Variants in BTRC observed in about 807,000 individuals in gnomAD.
The protein encoded by BTRC is F-box/WD repeat-containing protein 1A.
Under a neutral mutation model 85.5 loss-of-function variants are expected in BTRC, and 42 were observed. The ratio of observed to expected loss-of-function variants is 0.49; its 90% CI spans 0.38 to 0.64. The LOEUF (loss-of-function observed/expected upper bound fraction) is 0.64. Ranked by LOEUF, BTRC falls within the 30% of genes least tolerant of loss-of-function variation. The pLI is 0.00. For missense variants in BTRC, 594 were observed against 743.5 expected, an observed-to-expected ratio of 0.80 and a Z score of 2.34; for synonymous variants, 255 against 263.3, an observed-to-expected ratio of 0.97 and a Z score of 0.30.
intron 4 of BTRC, among the ~76,000 whole-genome samples, chr10:101,497,957 C>A (rs1211180431): frequency 1.3e-5 from 2 of 151,976 alleles, no homozygotes; most frequent in African/African-American, 2.4e-5. Flanking sequence ...GAGGCAGAGC[C>A]TGCAGTGAGC....
intron 4 of BTRC, among the ~76,000 whole-genome samples, chr10:101,509,931 G>C (rs1047676687): frequency 2.0e-5 from 3 of 151,688 alleles, no homozygotes. Flanking sequence ...ACTTTGGGAG[G>C]CCAAGACAGG....
chr10:101,531,411 C>G, intron 7 of BTRC, 78 bp downstream of exon 7: 1 of 1,139,448 alleles, frequency 8.8e-7, no homozygotes, highest in Non-Finnish European at 1.3e-6. Context: ...ATGGTTACAG[C>G]AAGCCCATTA....
intron 1 of BTRC, among the ~76,000 whole-genome samples, chr10:101,430,102 AC>A (rs1265042941): frequency 6.6e-6 from 1 of 152,270 alleles, no homozygotes; most frequent in Non-Finnish European, 1.5e-5. Flanking sequence ...AATGTTTTTG[AC>A]TAAATGTTTG....
chr10:101,487,800 A>G (rs765087402), intron 4 of BTRC, among the ~76,000 whole-genome samples: 8 of 152,166 alleles, frequency 5.3e-5, no homozygotes, highest in Non-Finnish European at 4.4e-5. Flanking sequence ...GGGAATGATG[A>G]AGGGAGCACC....
chr10:101,507,076 A>G (rs1345867852), intron 4 of BTRC, among the ~76,000 whole-genome samples: 1 of 152,160 alleles, frequency 6.6e-6, no homozygotes, highest in African/African-American at 2.4e-5. Context: ...GATTTTATAC[A>G]ATGTACTTGT....
rs1310261380 is a variant in BTRC at position 101,526,166 on chromosome 10, C to A, written c.710C>A (p.Ser237Tyr). ...KLIERMVRTD[S>Y]LWRGLAERRG... is the part of the protein sequence containing the mutation. ...ATCGAGAGAATGGTCAGGACAGATT[C>A]TCTGTGGAGAGGCCTGGCAGAACGA... is the stretch of plus-strand genomic sequence containing the variant. The change falls in exon 6 of 15, where the codon TCT becomes TAT. Residue 237 changes from serine to tyrosine, a missense_variant. Transcript: ENST00000370187. 1.2e-6 allele frequency: 2 copies of A among 1,614,118 alleles called. No individual in the cohort carries two copies. Among genetic ancestry groups the A allele is most frequent in the Admixed American group, 3.3e-5 (2 of 60,020 alleles).
At chr10:101,393,697 T>C (rs563855061) in intron 1 of BTRC, among the ~76,000 whole-genome samples, 22 of 151,746 alleles carry the variant, frequency 1.4e-4, no homozygotes, top group African/African-American at 5.3e-4. Context: ...TATTGTAGTA[T>C]GAGAGTAGTG....
At chr10:101,482,003 A>C (rs971175216) in intron 4 of BTRC, among the ~76,000 whole-genome samples, 7 of 152,172 alleles carry the variant, frequency 4.6e-5, no homozygotes, top group Admixed American at 2.6e-4. Context: ...TACCCATAGC[A>C]TGAGAATACT....
chr10:101,379,334 G>A (rs1942871099), intron 1 of BTRC, among the ~76,000 whole-genome samples: 1 of 152,072 alleles, frequency 6.6e-6, no homozygotes, highest in Admixed American at 6.5e-5. Flanking sequence ...ATGTTACAAA[G>A]GATTTCTTAA....
At chr10:101,439,440 C>T (rs1944623217) in intron 2 of BTRC, among the ~76,000 whole-genome samples, 1 of 152,152 alleles carries the variant, frequency 6.6e-6, no homozygotes, top group African/African-American at 2.4e-5. Context: ...TTTGGCATTA[C>T]AATGAGAGAA....
At chr10:101,541,099 T>A (rs560378906) in intron 13 of BTRC, among the ~76,000 whole-genome samples, 1 of 152,176 alleles carries the variant, frequency 6.6e-6, no homozygotes, top group East Asian at 1.9e-4. Context: ...CTCCCTCTTT[T>A]TTTTTTTTCT....
intron 1 of BTRC, among the ~76,000 whole-genome samples, chr10:101,357,806 T>C (rs1412736073): frequency 6.6e-6 from 1 of 152,234 alleles, no homozygotes; most frequent in Non-Finnish European, 1.5e-5. Flanking sequence ...TTAAAGCTTA[T>C]TGTTTTACTT....
rs35221060 is a variant in BTRC at position 101,515,515 on chromosome 10, ATTT to A, written c.325-6112_325-6110del. 2.8e-4 allele frequency among the ~76,000 whole-genome samples: 41 copies of A among 145,702 alleles called. 1 individual carries two copies. The highest frequency in any genetic ancestry group is 4.1e-4 in the Admixed American group (6 of 14,676). On this transcript the variant is annotated intron_variant, in intron 4 of 14. Transcript: ENST00000370187. ...TATAAGTATTACACAAATTTTATCCATTTTTTTTTTTTTTGAGATGGAGTCTAG... is the reference window on the plus strand; with the variant it reads ...TATAAGTATTACACAAATTTTATCCATTTTTTTTTTTGAGATGGAGTCTAG...
At chr10:101,514,427 T>TA (rs2061995727) in intron 4 of BTRC, among the ~76,000 whole-genome samples, 1 of 151,980 alleles carries the variant, frequency 6.6e-6, no homozygotes, top group South Asian at 2.1e-4. Flanking sequence ...CCTCTATGGA[T>TA]ATCCAATTGT....
chr10:101,509,243 A>ATTTTTT (rs71016330), intron 4 of BTRC, among the ~76,000 whole-genome samples: 8 of 69,914 alleles, frequency 1.1e-4, no homozygotes, highest in Middle Eastern at 0.011. Context: ...GGCAATGTGG[A>ATTTTTT]TTTTTTTTTT....
At chr10:101,481,141 G>A (rs375187441) in intron 4 of BTRC, among the ~76,000 whole-genome samples, 1 of 151,926 alleles carries the variant, frequency 6.6e-6, no homozygotes. Context: ...ATGAGGTGTC[G>A]CTGTATTGCC....
rs559808245 is a variant in BTRC at position 101,417,003 on chromosome 10, G to T, written c.49-13342G>T. ...ACTACAGAAGAGTTGTAAGTAAAATGCAAATTGTTTTTTTTTCATAAACCA... is the reference window on the plus strand; with the variant it reads ...ACTACAGAAGAGTTGTAAGTAAAATTCAAATTGTTTTTTTTTCATAAACCA... On this transcript the variant is annotated intron_variant, in intron 1 of 14. Transcript: ENST00000370187. Among the ~76,000 whole-genome samples the T allele has an allele frequency of 2.9e-5, 3 of 101,698 alleles. No homozygotes were observed. The South Asian group carries it at 1.2e-3, about 40-fold the overall frequency. The allele number at this position is 101,698 out of a possible 152,430, so 66.7% of individuals were successfully genotyped here.
rs547702514 is a variant in BTRC at position 101,447,506 on chromosome 10, A to G, written c.157-14475A>G. On this transcript the variant is annotated intron_variant, in intron 2 of 14. Coordinates refer to ENST00000370187, the MANE Select transcript of BTRC (RefSeq NM_033637.4). ...AGATACTTTAATACCACAATTAGCT[A>G]TTATGGTATTCACTAATTCTGTACT... 4.6e-5 allele frequency among the ~76,000 whole-genome samples: 7 copies of G among 152,306 alleles called. No homozygotes were observed. The South Asian group carries it at 1.4e-3, about 32-fold the overall frequency.
intron 1 of BTRC, among the ~76,000 whole-genome samples, chr10:101,375,027 C>CT (rs1329972375): frequency 3.9e-5 from 6 of 152,084 alleles, no homozygotes; most frequent in Non-Finnish European, 5.9e-5. Context: ...AAGAAATTGA[C>CT]TAGGTGTCTG....
Sources: allele counts gnomAD v4.1 joint callset (sites outside exome capture counted in the v4.1 genomes callset), GRCh38; gene constraint gnomAD v4.1.1; transcripts MANE v1.5; gene names NCBI Gene and HGNC (gene_info 2026-07-23, HGNC 2026-07-21).